FBXW7: variants seen among roughly 807,000 people sequenced by gnomAD.
FBXW7 encodes F-box/WD repeat-containing protein 7.
Under a neutral mutation model 86.3 loss-of-function variants are expected in FBXW7, and 11 were observed. That is an observed-to-expected ratio of 0.13 (90% CI 0.08 to 0.21). The LOEUF (loss-of-function observed/expected upper bound fraction) is 0.21, where lower values mean the gene tolerates loss of function less well. FBXW7 is among the 10% of genes least tolerant of loss of function. The pLI is 1.00. For synonymous variants in FBXW7, 313 were observed against 297.9 expected (o/e 1.05, Z -0.52); for missense variants, 488 against 847.4 (o/e 0.58, Z 5.27).
Position 152,526,022 on chromosome 4 carries a change from T to A in FBXW7, c.-120+8919A>T, listed in dbSNP as rs575004368. Among the ~76,000 whole-genome samples the A allele has an allele frequency of 7.2e-5, 11 of 152,344 alleles. No homozygotes were observed. In the South Asian group the frequency reaches 2.3e-3, roughly 32 times the overall value. ...CTGAATAGTCTGAGATGGTATCTCA[T>A]TGTGGTTTTGATTTGCGTTTCTCTA... is the stretch of plus-strand genomic sequence containing the variant. On this transcript the variant is annotated intron_variant, in intron 2 of 13. Coordinates refer to ENST00000281708, the MANE Select transcript of FBXW7 (RefSeq NM_001349798.2).
intron 2 of FBXW7, among the ~76,000 whole-genome samples, chr4:152,495,263 T>C (rs1228802336): frequency 6.6e-6 from 1 of 151,934 alleles, no homozygotes; most frequent in African/African-American, 2.4e-5. Flanking sequence ...TGAAACCCCG[T>C]CTCTACTAAA....
chr4:152,489,700 T>C (rs1745662953), intron 2 of FBXW7, among the ~76,000 whole-genome samples: 1 of 152,046 alleles, frequency 6.6e-6, no homozygotes, highest in African/African-American at 2.4e-5. Flanking sequence ...ATAAAATTAA[T>C]CTTAAAATTT....
In FBXW7 at chr4:152,398,880, C is replaced by T. The variant is rs559901931; in HGVS notation, c.501+12423G>A. Among the ~76,000 whole-genome samples the T allele has an allele frequency of 3.9e-5, 6 of 152,106 alleles. No individual in the cohort carries two copies. The South Asian group carries it at 1.2e-3, about 31-fold the overall frequency. ...ACTAATAAGATTGATAAAATTGTAACCACTGGCCAAATGTTTGAAAAATTG... is the reference window on the plus strand; with the variant it reads ...ACTAATAAGATTGATAAAATTGTAATCACTGGCCAAATGTTTGAAAAATTG... On this transcript the variant is annotated intron_variant, in intron 4 of 13. Coordinates refer to ENST00000281708, the MANE Select transcript of FBXW7 (RefSeq NM_001349798.2).
In FBXW7 at chr4:152,531,927, C is replaced by T. The variant is rs145439418; in HGVS notation, c.-120+3014G>A. 7.4e-3 allele frequency among the ~76,000 whole-genome samples: 1,117 copies of T among 151,916 alleles called. 12 individuals are homozygous for T. Among genetic ancestry groups the T allele is most frequent in the Middle Eastern group, 0.027 (8 of 292 alleles). The stretch of plus-strand genomic sequence containing the variant: ...AAATACAGAATAATATACCCTGGGA[C>T]TAAACTGGTGGCCATGTTTAAAGCC... On this transcript the variant is annotated intron_variant, in intron 2 of 13. Coordinates refer to ENST00000281708, the MANE Select transcript of FBXW7 (RefSeq NM_001349798.2).
At chr4:152,339,846 G>A (rs1288317114) in intron 6 of FBXW7, among the ~76,000 whole-genome samples, 1 of 150,224 alleles carries the variant, frequency 6.7e-6, no homozygotes, top group East Asian at 2.0e-4. Flanking sequence ...GGGGGCTGTG[G>A]CAGGAGGTCA....
intron 12 of FBXW7, 43 bp from the exon 13 acceptor site, chr4:152,324,437 T>G: frequency 2.8e-6 from 4 of 1,447,156 alleles, no homozygotes; most frequent in Non-Finnish European, 3.8e-6. Context: ...ATGGATACTC[T>G]TCCTATCAAT....
At chr4:152,448,441 T>C (rs2127008197) in intron 2 of FBXW7, among the ~76,000 whole-genome samples, 1 of 152,360 alleles carries the variant, frequency 6.6e-6, no homozygotes, top group African/African-American at 2.4e-5. Flanking sequence ...GAAATAAATC[T>C]ATGTAGTTAC....
At chr4:152,461,599 A>G (rs1742949337) in intron 2 of FBXW7, among the ~76,000 whole-genome samples, 2 of 152,210 alleles carry the variant, frequency 1.3e-5, no homozygotes, top group African/African-American at 4.8e-5. Context: ...CTTGCTTGCT[A>G]AATCCAATAT....
At chr4:152,438,002 C>T (rs1314156492) in intron 2 of FBXW7, among the ~76,000 whole-genome samples, 3 of 151,880 alleles carry the variant, frequency 2.0e-5, no homozygotes, top group Non-Finnish European at 1.5e-5. Flanking sequence ...TGGTGAAACC[C>T]GGTCTCTACT....
chr4:152,512,223 A>T (rs1373864516), intron 2 of FBXW7, among the ~76,000 whole-genome samples: 2 of 152,224 alleles, frequency 1.3e-5, no homozygotes. Flanking sequence ...ATTAGATCAG[A>T]TGACAAGGTT....
At chr4:152,411,908 A>G in intron 3 of FBXW7, 36 bp from the exon 4 acceptor site, 1 of 1,435,646 alleles carries the variant, frequency 7.0e-7, no homozygotes, top group Non-Finnish European at 9.1e-7. Flanking sequence ...CAAGATTTGT[A>G]CAATCTATAT....
chr4:152,356,894 T>C (rs1160257356), intron 4 of FBXW7, among the ~76,000 whole-genome samples: 1 of 152,224 alleles, frequency 6.6e-6, no homozygotes, highest in Admixed American at 6.5e-5. Flanking sequence ...GTTTAGCACC[T>C]ACTTTGTGTT....
intron 2 of FBXW7, among the ~76,000 whole-genome samples, chr4:152,427,403 A>C (rs947979758): frequency 2.0e-5 from 3 of 152,210 alleles, no homozygotes; most frequent in African/African-American, 7.2e-5. Context: ...GTTAATACTT[A>C]CAACACCCTT....
chr4:152,325,817 T>G (rs1728964410), intron 12 of FBXW7, 189 bp downstream of exon 12: 3 of 526,684 alleles, frequency 5.7e-6, no homozygotes, highest in Non-Finnish European at 6.7e-6. Flanking sequence ...CACAGAAAAT[T>G]GAAAGCATTT....
chr4:152,343,264 TC>T (rs1730918324), intron 6 of FBXW7, among the ~76,000 whole-genome samples: 1 of 152,172 alleles, frequency 6.6e-6, no homozygotes, highest in Non-Finnish European at 1.5e-5. Context: ...TTAAAGTTCT[TC>T]CATATCACTT....
In FBXW7 at chr4:152,492,944, A is replaced by G. The variant is rs1348366021; in HGVS notation, c.-120+41997T>C. Among the ~76,000 whole-genome samples, 3 of 152,038 alleles carry G rather than the reference A, an allele frequency of 2.0e-5. No homozygotes were observed. In the East Asian group the frequency reaches 5.8e-4, roughly 29 times the overall value. On this transcript the variant is annotated intron_variant, in intron 2 of 13. Transcript: ENST00000281708. ...ACTCAGGCAAATTAAGTGCTGGAAC[A>G]ACAGGTATGCAGTTCCTTCATAAAT...
At chr4:152,432,678 G>T (rs902259013) in intron 2 of FBXW7, among the ~76,000 whole-genome samples, 2 of 152,102 alleles carry the variant, frequency 1.3e-5, no homozygotes, top group Non-Finnish European at 2.9e-5. Context: ...CGGGTATGGC[G>T]GCACAAGCCT....
At chr4:152,344,389 T>C (rs1731049669) in intron 6 of FBXW7, among the ~76,000 whole-genome samples, 1 of 152,146 alleles carries the variant, frequency 6.6e-6, no homozygotes, top group Non-Finnish European at 1.5e-5. Flanking sequence ...AGAATATTTA[T>C]CTGAAAAAAA....
intron 4 of FBXW7, among the ~76,000 whole-genome samples, chr4:152,407,296 T>C (rs531286305): frequency 2.0e-5 from 3 of 152,312 alleles, no homozygotes; most frequent in Non-Finnish European, 2.9e-5. Flanking sequence ...ATGTTTCATT[T>C]TTCCTCCTTC....
Sources: gnomAD v4.1 joint callset for allele counts (sites outside exome capture counted in the v4.1 genomes callset) on GRCh38, gnomAD v4.1.1 for gene constraint, MANE v1.5 for transcripts, NCBI Gene and HGNC (gene_info 2026-07-23, HGNC 2026-07-21) for gene names.